The following GRIN2A variants were observed in gnomAD, a reference collection of about 807,000 sequenced individuals.
GRIN2A encodes the protein glutamate receptor ionotropic, NMDA 2A.
GRIN2A carries 22 observed loss-of-function variants against 113.4 expected under a neutral mutation model. That is an observed-to-expected ratio of 0.19 (90% CI 0.14 to 0.28). The LOEUF (loss-of-function observed/expected upper bound fraction) is 0.28, where lower values mean the gene tolerates loss of function less well. Ranked by LOEUF, GRIN2A falls within the 10% of genes least tolerant of loss-of-function variation. The pLI is 1.00. For missense variants in GRIN2A, 1,502 were observed against 1,887.0 expected (o/e 0.80, Z 3.78); for synonymous variants, 827 against 738.4 (o/e 1.12, Z -1.94).
At chr16:10,059,994 C>T (rs961750803) in intron 2 of GRIN2A, among the ~76,000 whole-genome samples, 2 of 152,004 alleles carry the variant, frequency 1.3e-5, no homozygotes, top group African/African-American at 4.8e-5. Flanking sequence ...GGAGACATTA[C>T]CAAAGTTCAG....
At chr16:9,958,328 G>C (rs1195219543) in intron 2 of GRIN2A, among the ~76,000 whole-genome samples, 1 of 152,064 alleles carries the variant, frequency 6.6e-6, no homozygotes, top group East Asian at 1.9e-4. Flanking sequence ...TCTTGCTGAT[G>C]TGGGCAATGT....
intron 2 of GRIN2A, among the ~76,000 whole-genome samples, chr16:10,106,854 G>C (rs374556367): frequency 3.9e-5 from 6 of 152,146 alleles, no homozygotes; most frequent in African/African-American, 1.4e-4. Context: ...CAGGGAAGCT[G>C]GGCTGTGCAA....
intron 2 of GRIN2A, among the ~76,000 whole-genome samples, chr16:10,114,783 G>C (rs1484203962): frequency 6.6e-6 from 1 of 152,220 alleles, no homozygotes; most frequent in Non-Finnish European, 1.5e-5. Context: ...GAGCCAAATA[G>C]GAACACTGGC....
intron 11 of GRIN2A, among the ~76,000 whole-genome samples, chr16:9,796,263 A>G (rs368235609): frequency 3.2e-4 from 49 of 152,098 alleles, no homozygotes; most frequent in South Asian, 2.9e-3. Flanking sequence ...ACATCAATCA[A>G]TCATTCATCC....
At chr16:9,983,925 T>G (rs1338359904) in intron 2 of GRIN2A, among the ~76,000 whole-genome samples, 1 of 152,228 alleles carries the variant, frequency 6.6e-6, no homozygotes, top group Non-Finnish European at 1.5e-5. Flanking sequence ...ATTTACCCAG[T>G]AATGGGGTTG....
At chr16:10,040,114 C>T (rs1436016179) in intron 2 of GRIN2A, among the ~76,000 whole-genome samples, 4 of 37,452 alleles carry the variant, frequency 1.1e-4, no homozygotes, top group African/African-American at 1.9e-4. Flanking sequence ...ACATCCACAC[C>T]GCACACACTA....
chr16:9,978,428 A>G (rs1187425770), intron 2 of GRIN2A, among the ~76,000 whole-genome samples: 2 of 152,082 alleles, frequency 1.3e-5, no homozygotes, highest in East Asian at 3.9e-4. Flanking sequence ...ATGAGTATGG[A>G]AGGTGGTTAG....
In GRIN2A at chr16:10,120,368, T is replaced by C. The variant is rs144263436; in HGVS notation, c.414+59630A>G. The stretch of plus-strand genomic sequence containing the variant: ...AGAATTCTCCTGCTCAAAATGTCCA[T>C]AGTGCCAAGGTTAAATCTTGATATT... On this transcript the variant is annotated intron_variant, in intron 2 of 12. Transcript: ENST00000330684. Among the ~76,000 whole-genome samples the C allele has an allele frequency of 2.9e-3, 436 of 152,318 alleles. 4 individuals carry two copies. Among genetic ancestry groups the C allele is most frequent in the African/African-American group, 0.01 (419 of 41,558 alleles).
chr16:9,758,914 T>A lies in GRIN2A; in HGVS notation c.*4235A>T, dbSNP rs1008885383. 9.1e-6 allele frequency: 2 copies of A among 220,850 alleles called. No homozygotes were observed. Among genetic ancestry groups the A allele is most frequent in the African/African-American group, 4.5e-5 (2 of 44,724 alleles). 13.7% of individuals were successfully genotyped at this position (220,850 alleles called of 1,614,324 possible). ...TTTTGGAAGGAAAATTGCCTTTACATAGAACCCTTCACTCATTAAATATCA... is the reference window on the plus strand; with the variant it reads ...TTTTGGAAGGAAAATTGCCTTTACAAAGAACCCTTCACTCATTAAATATCA... On this transcript the variant is annotated 3_prime_UTR_variant, in exon 13 of 13. Transcript: ENST00000330684.
At chr16:10,120,513 G>A (rs1006558232) in intron 2 of GRIN2A, among the ~76,000 whole-genome samples, 2 of 151,998 alleles carry the variant, frequency 1.3e-5, no homozygotes, top group Non-Finnish European at 2.9e-5. Flanking sequence ...CCTCATTCAT[G>A]AAACAGTTTT....
chr16:9,996,650 T>C (rs2046229259), intron 2 of GRIN2A, among the ~76,000 whole-genome samples: 1 of 152,336 alleles, frequency 6.6e-6, no homozygotes, highest in South Asian at 2.1e-4. Context: ...CATATACACA[T>C]AGCTGTTGTG....
intron 2 of GRIN2A, among the ~76,000 whole-genome samples, chr16:10,032,243 G>T (rs1410192848): frequency 1.3e-5 from 2 of 152,218 alleles, no homozygotes; most frequent in Non-Finnish European, 2.9e-5. Flanking sequence ...CTTCAAGCTT[G>T]TTGAGCCTTG....
intron 2 of GRIN2A, among the ~76,000 whole-genome samples, chr16:10,062,639 T>C (rs1028521864): frequency 7.2e-5 from 11 of 152,094 alleles, no homozygotes; most frequent in African/African-American, 2.7e-4. Flanking sequence ...CCGAGGTGGG[T>C]GTATCACCTG....
intron 4 of GRIN2A, among the ~76,000 whole-genome samples, chr16:9,852,471 G>A (rs1322424373): frequency 2.0e-5 from 3 of 152,196 alleles, no homozygotes; most frequent in African/African-American, 4.8e-5. Flanking sequence ...CGCTCATGGA[G>A]AGAAAAGTTG....
intron 2 of GRIN2A, among the ~76,000 whole-genome samples, chr16:10,071,030 C>T (rs1393333592): frequency 3.3e-5 from 5 of 152,132 alleles, no homozygotes; most frequent in African/African-American, 4.8e-5. Flanking sequence ...GTAATGACTA[C>T]CATTTCTCCA....
chr16:10,108,943 A>G (rs1474870394), intron 2 of GRIN2A, among the ~76,000 whole-genome samples: 1 of 151,834 alleles, frequency 6.6e-6, no homozygotes, highest in African/African-American at 2.4e-5. Context: ...CCTTTCTGAG[A>G]AGACATTTAG....
intron 2 of GRIN2A, among the ~76,000 whole-genome samples, chr16:10,020,783 T>G (rs28678768): frequency 0.29 from 44,080 of 151,986 alleles, 7,325 homozygotes; most frequent in Non-Finnish European, 0.37. Context: ...TAAAAAGCAT[T>G]ATTTTACTAT....
chr16:10,141,530 G>A (rs56906158), intron 2 of GRIN2A, among the ~76,000 whole-genome samples: 3,622 of 152,214 alleles, frequency 0.024, 138 homozygotes, highest in African/African-American at 0.083. Context: ...TGAATACAGA[G>A]AAGAATCAAG....
At chr16:9,975,901 C>CA (rs1470183577) in intron 2 of GRIN2A, among the ~76,000 whole-genome samples, 24 of 152,234 alleles carry the variant, frequency 1.6e-4, no homozygotes, top group Admixed American at 1.2e-3. Context: ...GACTTCAAGA[C>CA]AGTATTCCCG....
Sources: allele counts gnomAD v4.1 joint callset (sites outside exome capture counted in the v4.1 genomes callset), GRCh38; gene constraint gnomAD v4.1.1; transcripts MANE v1.5; gene names NCBI Gene and HGNC (gene_info 2026-07-23, HGNC 2026-07-21).